The following SCN1A variants were observed in gnomAD, a reference collection of about 807,000 sequenced individuals.
SCN1A encodes the protein sodium voltage-gated channel alpha subunit 1.
Under a neutral mutation model 193.7 loss-of-function variants are expected in SCN1A, and 13 were observed. The ratio of observed to expected loss-of-function variants is 0.07; its 90% CI spans 0.04 to 0.11. SCN1A has a LOEUF of 0.11. Among genes scored for constraint, SCN1A ranks in the 10% least tolerant of loss-of-function variants. The pLI, the probability that SCN1A is intolerant of heterozygous loss-of-function variation, is 1.00. For missense variants in SCN1A, 1,432 were observed against 2,451.1 expected (o/e 0.58, Z 8.78); for synonymous variants, 781 against 843.6 (o/e 0.93, Z 1.29).
chr2:166,108,220 A>G (rs572936176), intron 2 of SCN1A, among the ~76,000 whole-genome samples: 1 of 152,208 alleles, frequency 6.6e-6, no homozygotes, highest in African/African-American at 2.4e-5. Flanking sequence ...ATCATTAATC[A>G]TGAAGGAAAT....
chr2:165,992,534 T>TG lies in SCN1A; in HGVS notation c.4853-113_4853-112insC. 12 of 911,058 alleles carry TG rather than the reference T, an allele frequency of 1.3e-5. No individual in the cohort carries two copies. The Admixed American group carries it at 2.6e-4, about 19-fold the overall frequency. 56.4% of individuals were successfully genotyped at this position (911,058 alleles called of 1,614,324 possible). The stretch of plus-strand genomic sequence containing the variant: ...TTCAGAGTCCTGAACCCAGTTATAT[T>TG]AAATATGACAACTATATATAATATA... On this transcript the variant is annotated intron_variant, in intron 28 of 28. Transcript: ENST00000674923. This position sits in a 1 kb window ranked among gnomAD's most constrained non-coding sequence, Gnocchi z 6.5.
chr2:166,146,327 A>G lies in SCN1A; in HGVS notation c.-50+2720T>C, dbSNP rs75265184. Among the ~76,000 whole-genome samples the G allele has an allele frequency of 3.5e-3, 533 of 152,312 alleles. 15 individuals carry two copies. The East Asian group carries it at 0.064, about 18-fold the overall frequency. ...CCTTATACCTGAGTTATACAAGTAA[A>G]ACATGTCTTCATTTATTTATAAGTT... On this transcript the variant is annotated intron_variant, in intron 1 of 26. Coordinates refer to the SCN1A transcript ENST00000635750.
intron 2 of SCN1A, among the ~76,000 whole-genome samples, chr2:166,087,913 T>C (rs1466402245): frequency 6.6e-6 from 1 of 152,208 alleles, no homozygotes; most frequent in Non-Finnish European, 1.5e-5. Flanking sequence ...TTAGTCTTCT[T>C]GGATCTTTAC....
chr2:166,085,970 C>T (rs72875639), intron 2 of SCN1A, among the ~76,000 whole-genome samples: 9,803 of 152,132 alleles, frequency 0.064, 442 homozygotes, highest in Non-Finnish European at 0.1. Flanking sequence ...GATTCAGAAA[C>T]TCAGTATATT....
At position 166,037,944 on chromosome 2, in the gene SCN1A, A is replaced by G. The variant is rs766500557; in HGVS notation, c.2778T>C (p.Asp926=). The G allele has an allele frequency of 1.9e-6, 3 of 1,614,062 alleles. No homozygotes were observed. The highest frequency in any genetic ancestry group is 2.5e-6 in the Non-Finnish European group (3 of 1,180,044). Residue 926 remains aspartate (D), a synonymous_variant, in exon 18 of 29, where the codon GAT becomes GAC. Transcript: ENST00000674923. ...YKDCVCKIAS[D]CQLPRWHMND... is the part of the protein sequence containing the mutation. ...TCATGTGCCAGCGTGGGAGTTGACA[A>G]TCACTGGCGATCTTGCAGACACAAT...
intron 2 of SCN1A, among the ~76,000 whole-genome samples, chr2:166,101,180 TA>T (rs1435293415): frequency 1.3e-5 from 2 of 151,100 alleles, no homozygotes; most frequent in Non-Finnish European, 1.5e-5. Flanking sequence ...TATGCAGCCA[TA>T]AAAAATGATG....
At chr2:166,106,386 G>A (rs1333882068) in intron 2 of SCN1A, among the ~76,000 whole-genome samples, 2 of 152,058 alleles carry the variant, frequency 1.3e-5, no homozygotes, top group Non-Finnish European at 2.9e-5. Context: ...CCCAAGGTTG[G>A]GGTCCAAACT....
intron 22 of SCN1A, among the ~76,000 whole-genome samples, chr2:166,011,326 C>T (rs1165299044): frequency 6.6e-6 from 1 of 151,056 alleles, no homozygotes; most frequent in Admixed American, 6.6e-5. Context: ...CTGTAGCTTT[C>T]TAAAGCTGAA....
In SCN1A at chr2:166,018,581, G is replaced by T. The variant is rs1163564719; in HGVS notation, c.3430-2854C>A. ...TTTTAAAAATACATGTAGATTTATG[G>T]TTCTTCTGATGTTTTTTCATTAGAG... On this transcript the variant is annotated intron_variant, in intron 19 of 28. Coordinates refer to ENST00000674923, the MANE Select transcript of SCN1A (RefSeq NM_001165963.4). 2.6e-5 allele frequency among the ~76,000 whole-genome samples: 4 copies of T among 151,934 alleles called. No homozygotes were observed. In the East Asian group the frequency reaches 7.7e-4, roughly 29 times the overall value.
chr2:166,083,260 C>T (rs1685728439), intron 2 of SCN1A, among the ~76,000 whole-genome samples: 1 of 151,988 alleles, frequency 6.6e-6, no homozygotes, highest in African/African-American at 2.4e-5. Flanking sequence ...TTGGGGTTAA[C>T]TAAAACAACA....
At chr2:165,999,797 GT>G in intron 24 of SCN1A, 21 bp from the exon 25 acceptor site, 3 of 1,563,710 alleles carry the variant, frequency 1.9e-6, no homozygotes, top group East Asian at 2.3e-5. Flanking sequence ...GGACATGCAT[GT>G]TTTACTTTGG....
Position 166,012,161 on chromosome 2 carries a change from T to A in SCN1A, c.3827A>T (p.Tyr1276Phe), listed in dbSNP as rs1692552933. The stretch of plus-strand genomic sequence containing the variant: ...CCAGGCATTGGTGAAATATGTTTGA[T>A]AGCCATATGCCACCCATTTTAGAAG... The part of the protein sequence containing the change: ...EMLLKWVAYG[Y>F]QTYFTNAWCW... The change falls in exon 22 of 29, where the codon TAT (tyrosine) becomes TTT (phenylalanine). Residue 1276 changes from tyrosine (Y) to phenylalanine (F), a missense_variant. Around this residue, in one of 18 missense-constraint regions of SCN1A, gnomAD observed 107 missense variants for 259.4 expected, o/e 0.41. Transcript: ENST00000674923. 6.2e-6 allele frequency: 10 copies of A among 1,610,496 alleles called. No homozygotes were observed. Among genetic ancestry groups the A allele is most frequent in the Non-Finnish European group, 8.5e-6 (10 of 1,177,464 alleles).
rs749177334 is a variant in SCN1A at position 166,045,353 on chromosome 2, C to A, written c.1378-26G>T. ...CTATATTGAAGAGAAATGATTTTAA[C>A]ATAGCACCTGAAGAGACTGTATCTT... On this transcript the variant is annotated intron_variant, in intron 12 of 28. Transcript: ENST00000674923. 7.4e-6 allele frequency: 12 copies of A among 1,612,350 alleles called. No homozygotes were observed. In the African/African-American group the frequency reaches 1.3e-4, roughly 18 times the overall value.
intron 9 of SCN1A, among the ~76,000 whole-genome samples, chr2:166,049,542 A>T (rs1267181504): frequency 1.3e-5 from 2 of 152,040 alleles, no homozygotes; most frequent in Non-Finnish European, 1.5e-5. Context: ...AAGCAATTTT[A>T]AAAAGTCTTA....
At position 165,986,251 on chromosome 2, in the gene SCN1A, C is replaced by A. The variant is rs1559089928; in HGVS notation, c.*4994G>T. The A allele has an allele frequency of 6.6e-6, 1 of 152,020 alleles. No individual in the cohort carries two copies. The highest frequency in any genetic ancestry group is 1.5e-5 in the Non-Finnish European group (1 of 67,988). The allele number at this position is 152,020 out of a possible 1,614,324, so 9.4% of individuals were successfully genotyped here. A position where few individuals can be genotyped will look rare whatever the true frequency, so the allele number is the denominator to read the frequency against. ...TGTTCAGCTTTATAAATATTTATGGCATTATTCTTAATTTTCTGGCTTAAC... is the reference window on the plus strand; with the variant it reads ...TGTTCAGCTTTATAAATATTTATGGAATTATTCTTAATTTTCTGGCTTAAC... On this transcript the variant is annotated 3_prime_UTR_variant, in exon 29 of 29. Transcript: ENST00000674923.
chr2:166,124,193 C>T (rs964054507), intron 2 of SCN1A, among the ~76,000 whole-genome samples: 3 of 152,096 alleles, frequency 2.0e-5, no homozygotes, highest in South Asian at 2.1e-4. Context: ...CACCACATTC[C>T]TGCACTTAGA....
chr2:166,083,657 G>A (rs2106032592), intron 2 of SCN1A, among the ~76,000 whole-genome samples: 1 of 152,130 alleles, frequency 6.6e-6, no homozygotes, highest in South Asian at 2.1e-4. Context: ...TCATTAGGAT[G>A]ATTAATTTCA....
rs1348748070 is a variant in SCN1A, at chr2:166,084,772, AAGGGTACCCTG to A, written c.-141-6982_-141-6972del. ...CAGACGCACCTGACAGCAATAATTT[AAGGGTACCCTG>A]AGAATGACTCTGTGGTCTAAAAAGA... On this transcript the variant is annotated intron_variant, in intron 2 of 28. Coordinates refer to ENST00000674923, the MANE Select transcript of SCN1A (RefSeq NM_001165963.4). 3.9e-5 allele frequency among the ~76,000 whole-genome samples: 6 copies of A among 152,220 alleles called. No individual in the cohort carries two copies. The East Asian group carries it at 1.2e-3, about 29-fold the overall frequency.
At chr2:166,025,703 C>T (rs1285641818) in intron 19 of SCN1A, among the ~76,000 whole-genome samples, 3 of 152,074 alleles carry the variant, frequency 2.0e-5, no homozygotes, top group Non-Finnish European at 4.4e-5. Context: ...AGAACCATAA[C>T]CTGTTATACC....
Sources: gnomAD v4.1 joint callset for allele counts (sites outside exome capture counted in the v4.1 genomes callset) on GRCh38, gnomAD v4.1.1 for gene constraint, gnomAD v4.1.1 regional missense constraint, Gnocchi (gnomAD v3.1) non-coding constraint, MANE v1.5 for transcripts, NCBI Gene and HGNC (gene_info 2026-07-23, HGNC 2026-07-21) for gene names.